SLC39A12: variants seen among roughly 807,000 people sequenced by gnomAD.
The protein encoded by SLC39A12 is solute carrier family 39 member 12, also known as zinc transporter ZIP12.
Under a neutral mutation model 71.1 loss-of-function variants are expected in SLC39A12, and 63 were observed. That is an observed-to-expected ratio of 0.89 (90% CI 0.72 to 1.09). SLC39A12 has a LOEUF of 1.09. Ranked by LOEUF, SLC39A12 falls within the 50% of genes least tolerant of loss-of-function variation. The pLI is 0.00. For synonymous variants in SLC39A12, 351 were observed against 301.3 expected, an observed-to-expected ratio of 1.16 and a Z score of -1.71; for missense variants, 892 against 812.6, an observed-to-expected ratio of 1.10 and a Z score of -1.19.
intron 12 of SLC39A12, among the ~76,000 whole-genome samples, chr10:18,036,224 A>G (rs1589260623): frequency 6.6e-6 from 1 of 152,220 alleles, no homozygotes; most frequent in East Asian, 1.9e-4. Context: ...AGCCTGGGCA[A>G]TGGCGGGCGC....
At chr10:18,035,769 C>T (rs1836988215) in intron 12 of SLC39A12, among the ~76,000 whole-genome samples, 1 of 152,310 alleles carries the variant, frequency 6.6e-6, no homozygotes, top group African/African-American at 2.4e-5. Context: ...TTTTCCCCAT[C>T]TTTGTGGTTT....
In SLC39A12 at chr10:17,981,306, A is replaced by C; in HGVS notation, c.925-6A>C. ...TTAGTAACAATGTTATGTTTTCCTC[A>C]CACAGACCTGCTTCTCTGCTAGGCA... On this transcript the variant is annotated splice_polypyrimidine_tract_variant and splice_region_variant and intron_variant, in intron 5 of 12. Transcript: ENST00000377369. 3.1e-6 allele frequency: 5 copies of C among 1,601,660 alleles called. No homozygotes were observed. The highest frequency in any genetic ancestry group is 4.3e-6 in the Non-Finnish European group (5 of 1,172,942).
At chr10:17,993,821 A>T (rs1369788201) in intron 9 of SLC39A12, among the ~76,000 whole-genome samples, 7 of 152,242 alleles carry the variant, frequency 4.6e-5, no homozygotes, top group Non-Finnish European at 8.8e-5. Flanking sequence ...ATGTCCAATC[A>T]TGTTCAAAAC....
At chr10:18,009,729 G>T (rs921920054) in intron 12 of SLC39A12, 1 of 152,172 alleles carries the variant, frequency 6.6e-6, no homozygotes, top group African/African-American at 2.4e-5. Context: ...TTGCCTGGAG[G>T]ACTTTCAATT....
At chr10:17,985,753 C>A (rs1384852171) in intron 6 of SLC39A12, among the ~76,000 whole-genome samples, 1 of 152,010 alleles carries the variant, frequency 6.6e-6, no homozygotes, top group Non-Finnish European at 1.5e-5. Context: ...TTAATCTTAT[C>A]TCTTCCCTTT....
intron 6 of SLC39A12, among the ~76,000 whole-genome samples, chr10:17,984,332 A>G (rs936813972): frequency 6.6e-6 from 1 of 152,252 alleles, no homozygotes; most frequent in African/African-American, 2.4e-5. Context: ...CATTGTCTGC[A>G]TGGGTAGAAG....
Position 17,977,904 on chromosome 10 carries a change from C to G in SLC39A12, c.754C>G (p.Leu252Val). 2 of 1,580,840 alleles carry G rather than the reference C, an allele frequency of 1.3e-6. No homozygotes were observed. Among genetic ancestry groups the G allele is most frequent in the South Asian group, 1.2e-5 (1 of 84,348 alleles). Reference sequence around the variant, plus strand: ...CAGATTTTATATGAAATTTCTAGAACTAGACCAACTCCTCAACACTCTCTG... The same window carrying G: ...CAGATTTTATATGAAATTTCTAGAAGTAGACCAACTCCTCAACACTCTCTG... ...NRTNTLRLSE[L>V]DQLLNTLWTR... Residue 252 changes from leucine (L) to valine (V), a missense_variant and splice_region_variant, in exon 5 of 13, where the codon CTA becomes GTA. By Grantham distance (32) the Leu-to-Val change is conservative. Transcript: ENST00000377369.
chr10:17,996,138 T>G (rs747242793), intron 10 of SLC39A12, among the ~76,000 whole-genome samples: 1 of 152,232 alleles, frequency 6.6e-6, no homozygotes, highest in Non-Finnish European at 1.5e-5. Context: ...TGCGTCTTAT[T>G]TATCATACTG....
At chr10:17,968,710 T>G (rs1021952756) in intron 4 of SLC39A12, among the ~76,000 whole-genome samples, 3 of 152,308 alleles carry the variant, frequency 2.0e-5, no homozygotes, top group Admixed American at 2.0e-4. Context: ...ATAAAATGTT[T>G]TGCTACAGGC....
At chr10:17,972,782 T>A (rs185441814) in intron 4 of SLC39A12, among the ~76,000 whole-genome samples, 3 of 152,088 alleles carry the variant, frequency 2.0e-5, no homozygotes, top group East Asian at 3.9e-4. Context: ...ATTTTTTTTT[T>A]ATCTATTCTG....
intron 4 of SLC39A12, 69 bp downstream of exon 4, chr10:17,965,759 C>A: frequency 7.8e-7 from 1 of 1,289,188 alleles, no homozygotes; most frequent in Non-Finnish European, 1.1e-6. Flanking sequence ...AAAACAAAGG[C>A]CAAAGCTCTT....
intron 12 of SLC39A12, among the ~76,000 whole-genome samples, chr10:18,015,294 T>A (rs1370257544): frequency 6.6e-6 from 1 of 152,208 alleles, no homozygotes; most frequent in Non-Finnish European, 1.5e-5. Flanking sequence ...TTAGTTGACA[T>A]GTTAACAATA....
At chr10:17,986,364 G>A (rs1194163127) in intron 6 of SLC39A12, among the ~76,000 whole-genome samples, 3 of 152,130 alleles carry the variant, frequency 2.0e-5, no homozygotes, top group South Asian at 2.1e-4. Context: ...TACCACAAAC[G>A]GATGGCTTAT....
chr10:18,021,589 C>T (rs1334294362), intron 12 of SLC39A12, among the ~76,000 whole-genome samples: 1 of 151,948 alleles, frequency 6.6e-6, no homozygotes, highest in African/African-American at 2.4e-5. Context: ...CCACTCTGTG[C>T]CTTTTAAGTG....
rs1287473160 is a variant in SLC39A12 at position 17,953,301 on chromosome 10, G to C, written c.25G>C (p.Val9Leu). The C allele has an allele frequency of 1.2e-6, 2 of 1,614,068 alleles. No individual in the cohort carries two copies. The highest frequency in any genetic ancestry group is 1.7e-6 in the Non-Finnish European group (2 of 1,180,052). Residue 9 changes from valine to leucine, a missense_variant, in exon 2 of 13, where the codon GTA becomes CTA. By Grantham distance (32) the Val-to-Leu change is conservative. Transcript: ENST00000377369. MCFRTKLS[V>L]SWVPLFLLLS... is the part of the protein sequence containing the mutation. ...AATGTGCTTCCGGACAAAGCTCTCA[G>C]TATCCTGGGTGCCATTGTTTCTTCT...
At chr10:18,001,527 A>G (rs977539840) in intron 11 of SLC39A12, among the ~76,000 whole-genome samples, 2 of 152,180 alleles carry the variant, frequency 1.3e-5, no homozygotes, top group African/African-American at 4.8e-5. Context: ...AAGAAAAACA[A>G]AAACAAAAAC....
At chr10:17,978,426 G>C in intron 5 of SLC39A12, among the ~76,000 whole-genome samples, 1 of 152,104 alleles carries the variant, frequency 6.6e-6, no homozygotes, top group East Asian at 1.9e-4. Flanking sequence ...ACATATTTTT[G>C]CTATTATGTA....
chr10:17,965,442 C>A (rs1230371598), intron 3 of SLC39A12, 41 bp from the exon 4 acceptor site: 2 of 1,567,012 alleles, frequency 1.3e-6, no homozygotes, highest in African/African-American at 1.3e-5. Context: ...AAAATAACTT[C>A]AGATGTTACA....
At chr10:18,007,829 C>G (rs951950951) in intron 12 of SLC39A12, among the ~76,000 whole-genome samples, 2 of 152,162 alleles carry the variant, frequency 1.3e-5, no homozygotes, top group Non-Finnish European at 2.9e-5. Context: ...TTACTGCAAA[C>G]TGTTTTGTCA....
Sources: gnomAD v4.1 joint callset for allele counts (sites outside exome capture counted in the v4.1 genomes callset) on GRCh38, gnomAD v4.1.1 for gene constraint, MANE v1.5 for transcripts, NCBI Gene and HGNC (gene_info 2026-07-23, HGNC 2026-07-21) for gene names.